Variants in GRIK4 observed in about 807,000 individuals in gnomAD.
GRIK4 encodes glutamate ionotropic receptor kainate type subunit 4.
GRIK4 carries 40 observed loss-of-function variants against 104.9 expected under a neutral mutation model. That is an observed-to-expected ratio of 0.38 (90% confidence interval 0.30 to 0.50). GRIK4 has a LOEUF of 0.50. Ranked by LOEUF, GRIK4 falls within the 20% of genes least tolerant of loss-of-function variation. The pLI is 0.93. For missense variants in GRIK4, 1,047 were observed against 1,308.1 expected (o/e 0.80, Z 3.08); for synonymous variants, 485 against 524.9 (o/e 0.92, Z 1.04).
At chr11:120,580,742 A>G (rs902487920) in intron 1 of GRIK4, among the ~76,000 whole-genome samples, 3 of 152,086 alleles carry the variant, frequency 2.0e-5, no homozygotes, top group Non-Finnish European at 4.4e-5. Context: ...TTTTGAGTAC[A>G]GACATTGATG....
intron 1 of GRIK4, among the ~76,000 whole-genome samples, chr11:120,588,860 T>G (rs1188718131): frequency 3.3e-5 from 5 of 152,164 alleles, no homozygotes; most frequent in Admixed American, 3.3e-4. Flanking sequence ...GTCTCCTGGG[T>G]AGCCAAGGTG....
chr11:120,760,500 G>C (rs1055325240), intron 3 of GRIK4, among the ~76,000 whole-genome samples: 3 of 151,202 alleles, frequency 2.0e-5, no homozygotes, highest in Non-Finnish European at 4.4e-5. Flanking sequence ...AGAACGTGCA[G>C]GTTTGTTACA....
intron 1 of GRIK4, among the ~76,000 whole-genome samples, chr11:120,565,001 C>A (rs569756093): frequency 2.5e-3 from 375 of 152,284 alleles, no homozygotes; most frequent in Admixed American, 7.6e-3. Flanking sequence ...GGTGGGGTGT[C>A]CTGTGTAGCC....
intron 16 of GRIK4, among the ~76,000 whole-genome samples, chr11:120,959,861 G>GC (rs1944250038): frequency 1.3e-5 from 2 of 152,188 alleles, no homozygotes; most frequent in Admixed American, 6.5e-5. Flanking sequence ...TTACAGAACT[G>GC]GTTTTAAAAT....
At chr11:120,782,444 C>A (rs973844886) in intron 3 of GRIK4, among the ~76,000 whole-genome samples, 4 of 152,160 alleles carry the variant, frequency 2.6e-5, no homozygotes, top group African/African-American at 7.2e-5. Context: ...CACCACCATA[C>A]CTGACTAATT....
chr11:120,914,895 T>A (rs1460394560), intron 13 of GRIK4, among the ~76,000 whole-genome samples: 1 of 152,102 alleles, frequency 6.6e-6, no homozygotes, highest in Non-Finnish European at 1.5e-5. Context: ...TGTCCAGTGA[T>A]CAGGAGAATG....
intron 11 of GRIK4, among the ~76,000 whole-genome samples, chr11:120,878,042 C>G (rs1389211271): frequency 6.6e-6 from 1 of 152,218 alleles, no homozygotes; most frequent in Non-Finnish European, 1.5e-5. Flanking sequence ...TGTGCTAGCC[C>G]TGAGGCCAGA....
chr11:120,836,624 A>T (rs1008259221), intron 7 of GRIK4, among the ~76,000 whole-genome samples, 167 bp from the exon 8 acceptor site: 2 of 152,200 alleles, frequency 1.3e-5, no homozygotes, highest in Admixed American at 6.5e-5. Flanking sequence ...TCTGTGCTCC[A>T]TCCTCTAAGA....
chr11:120,530,197 G>A (rs1021614018), intron 1 of GRIK4, among the ~76,000 whole-genome samples: 4 of 152,258 alleles, frequency 2.6e-5, no homozygotes, highest in Non-Finnish European at 5.9e-5. Flanking sequence ...GCTAATTCAA[G>A]TGCAAACAGT....
chr11:120,519,793 C>T (rs1017447142), intron 1 of GRIK4, among the ~76,000 whole-genome samples: 2 of 150,926 alleles, frequency 1.3e-5, no homozygotes, highest in Non-Finnish European at 2.9e-5. Context: ...CTTGTGGGTG[C>T]ACAAGTGTAT....
chr11:120,882,538 C>T (rs1358532453), intron 11 of GRIK4, among the ~76,000 whole-genome samples: 4 of 152,048 alleles, frequency 2.6e-5, no homozygotes, highest in South Asian at 2.1e-4. Context: ...ACGGCAGATC[C>T]GGGTGGAGGG....
Position 120,755,587 on chromosome 11 carries a change from G to A in GRIK4, c.83-47106G>A, listed in dbSNP as rs867413051. ...CACACCACTGCACTCCACCCTGGGT[G>A]ACAGAGGCAAGCAAGACCTTGTCTC... On this transcript the variant is annotated intron_variant, in intron 3 of 20. Coordinates refer to ENST00000527524, the MANE Select transcript of GRIK4 (RefSeq NM_014619.5). 4.0e-5 allele frequency among the ~76,000 whole-genome samples: 6 copies of A among 151,840 alleles called. No individual in the cohort carries two copies. The South Asian group carries it at 1.3e-3, about 32-fold the overall frequency.
At chr11:120,805,085 C>T (rs1952687778) in intron 4 of GRIK4, among the ~76,000 whole-genome samples, 1 of 152,196 alleles carries the variant, frequency 6.6e-6, no homozygotes, top group African/African-American at 2.4e-5. Flanking sequence ...AGGGCACAGA[C>T]AAGAATCCTA....
chr11:120,878,869 G>A (rs1336521402), intron 11 of GRIK4, among the ~76,000 whole-genome samples: 1 of 152,182 alleles, frequency 6.6e-6, no homozygotes, highest in African/African-American at 2.4e-5. Flanking sequence ...CCAGGTGGAA[G>A]GAATGTCAAT....
chr11:120,783,233 T>C (rs968857331), intron 3 of GRIK4, among the ~76,000 whole-genome samples: 1 of 152,174 alleles, frequency 6.6e-6, no homozygotes, highest in Non-Finnish European at 1.5e-5. Flanking sequence ...GGACTTTAAA[T>C]CTCTTTGGCC....
At position 120,952,801 on chromosome 11, in the gene GRIK4, AGG is replaced by A; in HGVS notation, c.1591-53_1591-52del. 2 of 1,252,922 alleles carry A rather than the reference AGG, an allele frequency of 1.6e-6. No homozygotes were observed. The highest frequency in any genetic ancestry group is 2.4e-6 in the Non-Finnish European group (2 of 849,964). The allele number at this position is 1,252,922 out of a possible 1,614,324, so 77.6% of individuals were successfully genotyped here. ...CCTCTACCCCGCCCTGCCTGCCCCAAGGTCATGTTGACTGAATATGTGCGGTG... is the reference window on the plus strand; with the variant it reads ...CCTCTACCCCGCCCTGCCTGCCCCAATCATGTTGACTGAATATGTGCGGTG... On this transcript the variant is annotated intron_variant, in intron 14 of 20. Transcript: ENST00000527524. The surrounding 1 kb of genome is among the most constrained non-coding windows in gnomAD (Gnocchi z 5.2).
intron 3 of GRIK4, among the ~76,000 whole-genome samples, chr11:120,729,224 G>T (rs568973153): frequency 6.6e-6 from 1 of 152,184 alleles, no homozygotes. Flanking sequence ...AATAAACATG[G>T]GAGTGCAGAT....
At chr11:120,738,880 C>T (rs955414430) in intron 3 of GRIK4, among the ~76,000 whole-genome samples, 4 of 152,164 alleles carry the variant, frequency 2.6e-5, no homozygotes, top group African/African-American at 7.2e-5. Flanking sequence ...GGGGCTGGCA[C>T]CTGAAGATGA....
At chr11:120,878,560 C>T (rs1253993222) in intron 11 of GRIK4, among the ~76,000 whole-genome samples, 2 of 152,084 alleles carry the variant, frequency 1.3e-5, no homozygotes, top group East Asian at 3.9e-4. Context: ...CTAAGGGACA[C>T]ATACTCTTGA....
Sources: allele counts gnomAD v4.1 joint callset (sites outside exome capture counted in the v4.1 genomes callset), GRCh38; gene constraint gnomAD v4.1.1; non-coding constraint Gnocchi (gnomAD v3.1); transcripts MANE v1.5; gene names NCBI Gene and HGNC (gene_info 2026-07-23, HGNC 2026-07-21).